The following MRTFB variants were observed in gnomAD, a reference collection of about 807,000 sequenced individuals.
MRTFB encodes the protein myocardin related transcription factor B.
MRTFB carries 29 observed loss-of-function variants against 104.2 expected under a neutral mutation model. The ratio of observed to expected loss-of-function variants is 0.28; its 90% confidence interval spans 0.21 to 0.38. The LOEUF (loss-of-function observed/expected upper bound fraction) is 0.38, where lower values mean the gene tolerates loss of function less well. Ranked by LOEUF, MRTFB falls within the 10% of genes least tolerant of loss-of-function variation. MRTFB has a pLI of 1.00. For synonymous variants in MRTFB, 535 were observed against 519.5 expected, an observed-to-expected ratio of 1.03 and a Z score of -0.41; for missense variants, 1,270 against 1,341.6, an observed-to-expected ratio of 0.95 and a Z score of 0.83.
chr16:14,155,397 C>G (rs1453050208), intron 3 of MRTFB, among the ~76,000 whole-genome samples: 1 of 151,916 alleles, frequency 6.6e-6, no homozygotes, highest in Non-Finnish European at 1.5e-5. Context: ...TTAATAGTTT[C>G]ATTTATTTTC....
At chr16:14,175,651 A>G (rs1251875556) in intron 3 of MRTFB, among the ~76,000 whole-genome samples, 2 of 152,236 alleles carry the variant, frequency 1.3e-5, no homozygotes, top group Admixed American at 1.3e-4. Flanking sequence ...CTACACAAAG[A>G]TTAATAGACA....
Position 14,158,973 on chromosome 16 carries a change from TAA to T in MRTFB, c.154+18233_154+18234del, listed in dbSNP as rs397854767. ...TAGCAAGACCCTGTCTCATAAAGAT[TAA>T]AAAAAAAAAAAAAAAAAAACTTAGG... On this transcript the variant is annotated intron_variant, in intron 3 of 16. Transcript: ENST00000571589. 4.0e-3 allele frequency among the ~76,000 whole-genome samples: 475 copies of T among 119,894 alleles called. 2 individuals carry two copies. Among genetic ancestry groups the T allele is most frequent in the African/African-American group, 0.012 (446 of 35,728 alleles). The allele number at this position is 119,894 out of a possible 152,430, so 78.7% of individuals were successfully genotyped here. A position where few individuals can be genotyped will look rare whatever the true frequency, so the allele number is the denominator to read the frequency against.
At chr16:14,219,962 C>T (rs1363160982) in intron 8 of MRTFB, among the ~76,000 whole-genome samples, 2 of 152,104 alleles carry the variant, frequency 1.3e-5, no homozygotes, top group Admixed American at 6.6e-5. Context: ...AATTCAGCAC[C>T]TTGAATGCAG....
chr16:14,058,489 A>G, the MRTFB span, among the ~76,000 whole-genome samples: 166 of 151,924 alleles, frequency 1.1e-3, no homozygotes, highest in African/African-American at 3.9e-3. Context: ...GAATTCTCAC[A>G]ACGACTGTGT....
intron 3 of MRTFB, among the ~76,000 whole-genome samples, chr16:14,166,009 AAGAAGT>A (rs1368865531): frequency 6.6e-6 from 1 of 152,234 alleles, no homozygotes; most frequent in African/African-American, 2.4e-5. Context: ...AGTTGAAAGT[AAGAAGT>A]AGGACATGAT....
chr16:14,140,439 C>G (rs2037935738), intron 2 of MRTFB, 105 bp from the exon 3 acceptor site: 3 of 727,028 alleles, frequency 4.1e-6, no homozygotes, highest in Admixed American at 5.7e-5. Flanking sequence ...TATGACCATA[C>G]AGCAGTAAAA....
chr16:14,198,974 A>G (rs2040561017), intron 3 of MRTFB, among the ~76,000 whole-genome samples: 1 of 152,156 alleles, frequency 6.6e-6, no homozygotes, highest in Admixed American at 6.5e-5. Flanking sequence ...CATCAATTAT[A>G]AACTTGCTCA....
chr16:14,249,232 C>G, intron 13 of MRTFB, 151 bp downstream of exon 13: 1 of 867,732 alleles, frequency 1.2e-6, no homozygotes, highest in Non-Finnish European at 1.7e-6. Context: ...AGGTCAGATG[C>G]CATTTGGCTG....
At chr16:14,088,856 A>G (rs1218459323) in intron 2 of MRTFB, among the ~76,000 whole-genome samples, 1 of 152,248 alleles carries the variant, frequency 6.6e-6, no homozygotes, top group Non-Finnish European at 1.5e-5. Flanking sequence ...GTAATCAAAG[A>G]GAAGCAGTTC....
the MRTFB span, among the ~76,000 whole-genome samples, chr16:14,063,874 T>C: frequency 2.0e-4 from 30 of 152,254 alleles, no homozygotes; most frequent in African/African-American, 6.8e-4. Flanking sequence ...TCCAGTATAC[T>C]GTTGATGTGC....
intron 15 of MRTFB, among the ~76,000 whole-genome samples, chr16:14,255,654 A>G (rs1050460619): frequency 1.3e-5 from 2 of 152,188 alleles, no homozygotes; most frequent in Non-Finnish European, 2.9e-5. Context: ...ACAATACTTA[A>G]AATAATTAAT....
chr16:14,190,671 A>G (rs2040138865), intron 3 of MRTFB, among the ~76,000 whole-genome samples: 1 of 152,338 alleles, frequency 6.6e-6, no homozygotes, highest in Non-Finnish European at 1.5e-5. Context: ...CTTTGACTAA[A>G]ACTGCCCTAA....
intron 9 of MRTFB, among the ~76,000 whole-genome samples, chr16:14,238,575 A>G (rs925956856): frequency 3.3e-5 from 5 of 152,198 alleles, no homozygotes; most frequent in Non-Finnish European, 7.3e-5. Context: ...TGACTGGCTG[A>G]GAGAGGAGAT....
At chr16:14,137,379 A>G (rs1243716833) in intron 2 of MRTFB, among the ~76,000 whole-genome samples, 1 of 152,174 alleles carries the variant, frequency 6.6e-6, no homozygotes, top group African/African-American at 2.4e-5. Context: ...TCAAGCCATA[A>G]TAGGTTGAAA....
the MRTFB span, among the ~76,000 whole-genome samples, chr16:14,036,520 A>ATATATGTTGAAATTATACATTCCATCATT: frequency 2.5e-4 from 37 of 148,740 alleles, no homozygotes; most frequent in Middle Eastern, 3.6e-3. Flanking sequence ...ATTCCATCAT[A>ATATATGTTGAAATTATACATTCCATCATT]TATATGTTGA....
chr16:14,213,064 T>A (rs1046889140), intron 5 of MRTFB, among the ~76,000 whole-genome samples: 1 of 152,250 alleles, frequency 6.6e-6, no homozygotes, highest in Non-Finnish European at 1.5e-5. Context: ...CTTACAGTCT[T>A]ATAAAACCTG....
the MRTFB span, among the ~76,000 whole-genome samples, chr16:14,024,098 T>C: frequency 0.43 from 65,632 of 151,812 alleles, 14,398 homozygotes; most frequent in Middle Eastern, 0.6. Flanking sequence ...GCTGCTGTTA[T>C]CACCATCATC....
At chr16:14,106,936 A>G (rs2036011104) in intron 2 of MRTFB, among the ~76,000 whole-genome samples, 1 of 152,244 alleles carries the variant, frequency 6.6e-6, no homozygotes, top group South Asian at 2.1e-4. Flanking sequence ...ACAGGTTTTC[A>G]GTATATCACA....
At chr16:14,120,556 C>G (rs2036793728) in intron 2 of MRTFB, among the ~76,000 whole-genome samples, 1 of 152,010 alleles carries the variant, frequency 6.6e-6, no homozygotes. Context: ...ATCTTTTTCC[C>G]CACTGATTTG....
Sources: allele counts gnomAD v4.1 joint callset (sites outside exome capture counted in the v4.1 genomes callset), GRCh38; gene constraint gnomAD v4.1.1; transcripts MANE v1.5; gene names NCBI Gene and HGNC (gene_info 2026-07-23, HGNC 2026-07-21).